Variants in LINGO2 observed in about 807,000 individuals in gnomAD.
LINGO2 encodes the protein leucine rich repeat and Ig domain containing 2.
LINGO2 carries 14 observed loss-of-function variants against 30.6 expected under a neutral mutation model. The observed-to-expected ratio is 0.46, with a 90% CI of 0.30 to 0.72. LINGO2 has a LOEUF of 0.72. Ranked by LOEUF, LINGO2 falls within the 30% of genes least tolerant of loss-of-function variation. The pLI, the probability that LINGO2 is intolerant of heterozygous loss-of-function variation, is 0.07. For synonymous variants in LINGO2, 317 were observed against 288.5 expected (o/e 1.10, Z -1.00); for missense variants, 729 against 751.7 (o/e 0.97, Z 0.35).
intron 3 of LINGO2, among the ~76,000 whole-genome samples, chr9:28,313,526 G>T (rs1824712726): frequency 6.6e-6 from 1 of 152,126 alleles, no homozygotes; most frequent in South Asian, 2.1e-4. Context: ...AATTCTTGAA[G>T]TTCCATGTGT....
At chr9:28,171,766 T>C (rs1243080993) in intron 4 of LINGO2, among the ~76,000 whole-genome samples, 2 of 151,414 alleles carry the variant, frequency 1.3e-5, no homozygotes, top group African/African-American at 2.4e-5. Context: ...CCCAGCACTT[T>C]GGGAGGCCGA....
At chr9:28,810,075 T>C in the LINGO2 span, among the ~76,000 whole-genome samples, 3 of 152,192 alleles carry the variant, frequency 2.0e-5, no homozygotes, top group Non-Finnish European at 2.9e-5. Context: ...TTTACTCTTG[T>C]TTATTTTGCC....
chr9:28,108,501 A>T (rs191571345), intron 4 of LINGO2, among the ~76,000 whole-genome samples: 55 of 152,250 alleles, frequency 3.6e-4, no homozygotes, highest in African/African-American at 1.3e-3. Context: ...CATCTCACTT[A>T]GAAAAGTCTG....
the LINGO2 span, among the ~76,000 whole-genome samples, chr9:28,804,384 T>C: frequency 6.6e-6 from 1 of 152,066 alleles, no homozygotes; most frequent in Non-Finnish European, 1.5e-5. Flanking sequence ...TTAGGTACTG[T>C]TGAAAGAGCA....
chr9:29,020,265 A>G, the LINGO2 span, among the ~76,000 whole-genome samples: 1 of 152,232 alleles, frequency 6.6e-6, no homozygotes, highest in African/African-American at 2.4e-5. Context: ...ACTAATGGAC[A>G]GAATTGCACA....
intron 1 of LINGO2, among the ~76,000 whole-genome samples, chr9:28,530,006 C>T (rs968107004): frequency 1.3e-5 from 2 of 151,952 alleles, no homozygotes; most frequent in African/African-American, 4.8e-5. Context: ...TCAGCTTCAT[C>T]GTGTTATGAT....
chr9:28,468,721 G>A (rs984778635), intron 2 of LINGO2, among the ~76,000 whole-genome samples: 39 of 152,048 alleles, frequency 2.6e-4, no homozygotes, highest in African/African-American at 9.4e-4. Context: ...TTTATAAGAG[G>A]GAAAAGCATA....
At chr9:28,681,790 GT>G in the LINGO2 span, among the ~76,000 whole-genome samples, 1 of 152,060 alleles carries the variant, frequency 6.6e-6, no homozygotes, top group Non-Finnish European at 1.5e-5. Flanking sequence ...CTAAGTACTT[GT>G]TTGGAGAATT....
chr9:29,082,196 A>C, the LINGO2 span, among the ~76,000 whole-genome samples: 3 of 152,326 alleles, frequency 2.0e-5, no homozygotes, highest in African/African-American at 2.4e-5. Context: ...AGGCTACAGT[A>C]ACCAAAACAG....
the LINGO2 span, among the ~76,000 whole-genome samples, chr9:28,959,665 G>A: frequency 6.9e-6 from 1 of 144,384 alleles, no homozygotes; most frequent in South Asian, 2.2e-4. Flanking sequence ...TGAACCCAAG[G>A]ATTCAGCACT....
intron 4 of LINGO2, among the ~76,000 whole-genome samples, chr9:28,065,756 T>C (rs1385767413): frequency 1.3e-5 from 2 of 152,130 alleles, no homozygotes; most frequent in Admixed American, 6.6e-5. Flanking sequence ...ATGGGGTTAA[T>C]ACCATCTGTC....
intron 1 of LINGO2, among the ~76,000 whole-genome samples, chr9:28,546,747 A>T (rs757944064): frequency 2.6e-5 from 4 of 151,830 alleles, no homozygotes; most frequent in Non-Finnish European, 2.9e-5. Flanking sequence ...TCAGAAAGAG[A>T]CTCTGTTTCT....
At chr9:28,052,520 C>A (rs373315380) in intron 4 of LINGO2, among the ~76,000 whole-genome samples, 1 of 152,012 alleles carries the variant, frequency 6.6e-6, no homozygotes, top group African/African-American at 2.4e-5. Context: ...GCTCAAGCAC[C>A]ATCTGCCAGA....
At chr9:28,103,936 A>C (rs1826492543) in intron 4 of LINGO2, among the ~76,000 whole-genome samples, 1 of 152,140 alleles carries the variant, frequency 6.6e-6, no homozygotes, top group Admixed American at 6.6e-5. Flanking sequence ...GACTTATACC[A>C]ATCATTGGGT....
the LINGO2 span, among the ~76,000 whole-genome samples, chr9:28,988,855 C>A: frequency 6.6e-6 from 1 of 152,110 alleles, no homozygotes; most frequent in Non-Finnish European, 1.5e-5. Flanking sequence ...TGTTTTCATT[C>A]AGTTTTGCAG....
chr9:28,437,593 C>CCA lies in LINGO2; in HGVS notation c.-279+38345_-279+38346dup, dbSNP rs150694749. 3.9e-3 allele frequency among the ~76,000 whole-genome samples: 579 copies of CCA among 147,538 alleles called. 6 individuals are homozygous for CCA. The highest frequency in any genetic ancestry group is 5.8e-3 in the Non-Finnish European group (390 of 67,198). On this transcript the variant is annotated intron_variant, in intron 2 of 5. Coordinates refer to ENST00000379992, the Ensembl canonical transcript of LINGO2. Reference sequence around the variant, plus strand: ...CACACACACAGACGCGCACACACACCCACACACACACATACAGATCACTTC... The same window carrying CCA: ...CACACACACAGACGCGCACACACACCCACACACACACACATACAGATCACTTC...
chr9:28,663,456 C>T (rs879777138), intron 1 of LINGO2, among the ~76,000 whole-genome samples: 27 of 152,148 alleles, frequency 1.8e-4, no homozygotes, highest in Non-Finnish European at 3.2e-4. Context: ...CAGGCGTGAG[C>T]CACCGCATCC....
chr9:28,591,888 G>C (rs1824931109), intron 1 of LINGO2, among the ~76,000 whole-genome samples: 1 of 152,038 alleles, frequency 6.6e-6, no homozygotes, highest in Non-Finnish European at 1.5e-5. Flanking sequence ...AGGCTGTGGA[G>C]ACAACTGCCT....
intron 4 of LINGO2, among the ~76,000 whole-genome samples, chr9:28,105,022 C>T (rs531715839): frequency 6.6e-5 from 10 of 152,142 alleles, no homozygotes; most frequent in South Asian, 4.2e-4. Context: ...CTCTGAAGAA[C>T]GGGGACCAAG....
Sources: gnomAD v4.1 joint callset for allele counts (sites outside exome capture counted in the v4.1 genomes callset) on GRCh38, gnomAD v4.1.1 for gene constraint, MANE v1.5 for transcripts, NCBI Gene and HGNC (gene_info 2026-07-23, HGNC 2026-07-21) for gene names.